SCLT1: variants seen among roughly 807,000 people sequenced by gnomAD.
SCLT1 encodes the protein sodium channel-associated protein 1.
SCLT1 carries 78 observed loss-of-function variants against 112.8 expected under a neutral mutation model. That is an observed-to-expected ratio of 0.69 (90% CI 0.58 to 0.83). The LOEUF is 0.83. SCLT1 is among the 40% of genes least tolerant of loss of function. The pLI, the probability that SCLT1 is intolerant of heterozygous loss-of-function variation, is 0.00. For synonymous variants in SCLT1, 257 were observed against 254.7 expected (o/e 1.01, Z -0.09); for missense variants, 747 against 770.4 (o/e 0.97, Z 0.36).
chr4:129,030,224 C>G (rs1168861126), intron 5 of SCLT1, among the ~76,000 whole-genome samples: 1 of 152,030 alleles, frequency 6.6e-6, no homozygotes, highest in African/African-American at 2.4e-5. Context: ...GCGTAAATAA[C>G]AAAACTGAGA....
intron 14 of SCLT1, among the ~76,000 whole-genome samples, chr4:128,951,567 T>C (rs1012941480): frequency 1.3e-5 from 2 of 152,176 alleles, no homozygotes; most frequent in African/African-American, 4.8e-5. Context: ...TGAATATTCA[T>C]GCCCTTGCAG....
At position 129,093,146 on chromosome 4, in the gene SCLT1, C is replaced by G; in HGVS notation, c.-43G>C. On this transcript the variant is annotated 5_prime_UTR_variant, in exon 1 of 21. Transcript: ENST00000281142. ...TTAGAGCTTTCACCACCTTTACCTT[C>G]CTCTGAAAGACAGAGAGCTTGCTGT... The G allele has an allele frequency of 6.3e-7, 1 of 1,594,424 alleles. No homozygotes were observed. The highest frequency in any genetic ancestry group is 8.6e-7 in the Non-Finnish European group (1 of 1,162,278).
chr4:128,900,055 A>G, intron 18 of SCLT1, among the ~76,000 whole-genome samples: 1 of 152,210 alleles, frequency 6.6e-6, no homozygotes. Context: ...AACATTCCAC[A>G]CGCATGGGTA....
In SCLT1 at chr4:128,947,355, C is replaced by T. The variant is rs116195520; in HGVS notation, c.1293+1141G>A. Among the ~76,000 whole-genome samples, 875 of 152,250 alleles carry T rather than the reference C, an allele frequency of 5.7e-3. 7 individuals are homozygous for T. The highest frequency in any genetic ancestry group is 0.034 in the Middle Eastern group (10 of 294). Reference sequence around the variant, plus strand: ...CGCAGATGGAAACTCAGAAGGGACCCACCTTGCAGGAGAGTGGTAACCAAA... The same window carrying T: ...CGCAGATGGAAACTCAGAAGGGACCTACCTTGCAGGAGAGTGGTAACCAAA... On this transcript the variant is annotated intron_variant, in intron 15 of 20. Coordinates refer to ENST00000281142, the MANE Select transcript of SCLT1 (RefSeq NM_144643.4).
intron 9 of SCLT1, among the ~76,000 whole-genome samples, chr4:128,990,567 AAC>A (rs1022965442): frequency 3.3e-5 from 5 of 151,974 alleles, no homozygotes; most frequent in African/African-American, 1.2e-4. Context: ...ACTGTTATTC[AAC>A]ACAGTATGAG....
chr4:129,086,195 A>C (rs1389598726), intron 1 of SCLT1, among the ~76,000 whole-genome samples: 1 of 152,092 alleles, frequency 6.6e-6, no homozygotes, highest in Non-Finnish European at 1.5e-5. Flanking sequence ...TAGATTGACT[A>C]TAATCTGGAG....
chr4:129,036,636 T>G (rs1268552412), intron 5 of SCLT1: 1 of 151,870 alleles, frequency 6.6e-6, no homozygotes, highest in Non-Finnish European at 1.5e-5. Flanking sequence ...CAGTAAACAC[T>G]GACAGCTTAA....
chr4:128,880,722 A>C (rs1057014246), downstream of SCLT1, among the ~76,000 whole-genome samples: 1 of 152,246 alleles, frequency 6.6e-6, no homozygotes, highest in African/African-American at 2.4e-5. Context: ...ATAGTAATTC[A>C]CATTTTTTCC....
At chr4:129,059,986 TA>T (rs1251422626) in intron 2 of SCLT1, among the ~76,000 whole-genome samples, 15 of 152,276 alleles carry the variant, frequency 9.9e-5, no homozygotes, top group Admixed American at 3.9e-4. Flanking sequence ...ATAATATGAA[TA>T]TTTTTTTGCC....
At chr4:128,927,067 A>G (rs976502945) in intron 18 of SCLT1, among the ~76,000 whole-genome samples, 2 of 152,148 alleles carry the variant, frequency 1.3e-5, no homozygotes, top group Admixed American at 1.3e-4. Context: ...GAAAGTACTA[A>G]ATAATACAAT....
chr4:129,082,467 A>G (rs1006514988), intron 1 of SCLT1, 94 bp from the exon 2 acceptor site: 3 of 627,126 alleles, frequency 4.8e-6, no homozygotes. Flanking sequence ...ATCCCATGCA[A>G]AACGGCTAGT....
chr4:129,052,575 TC>T (rs1471647715), intron 2 of SCLT1, among the ~76,000 whole-genome samples: 1 of 152,106 alleles, frequency 6.6e-6, no homozygotes, highest in Admixed American at 6.6e-5. Context: ...GGTGGTGATA[TC>T]CCCTTTATCA....
At chr4:128,932,816 G>T (rs1416428867) in intron 18 of SCLT1, among the ~76,000 whole-genome samples, 1 of 151,858 alleles carries the variant, frequency 6.6e-6, no homozygotes, top group African/African-American at 2.4e-5. Context: ...CAATCTATCT[G>T]AAAAAGAAAT....
intron 1 of SCLT1, 54 bp downstream of exon 1, chr4:129,093,016 A>G: frequency 1.5e-6 from 2 of 1,295,266 alleles, no homozygotes; most frequent in Non-Finnish European, 2.2e-6. Context: ...TTGTCGGTCA[A>G]CGACGACGAT....
At chr4:129,089,977 C>G (rs551892967) in intron 1 of SCLT1, among the ~76,000 whole-genome samples, 7 of 151,956 alleles carry the variant, frequency 4.6e-5, no homozygotes, top group Admixed American at 6.6e-5. Flanking sequence ...CAAAACTGCA[C>G]GTTCTGCACA....
At chr4:128,906,438 TC>T (rs1235082804) in intron 18 of SCLT1, among the ~76,000 whole-genome samples, 9 of 152,286 alleles carry the variant, frequency 5.9e-5, no homozygotes, top group African/African-American at 2.2e-4. Flanking sequence ...GACCTCGTGA[TC>T]CGCCCGCTTC....
intron 17 of SCLT1, 102 bp downstream of exon 17, chr4:128,942,894 C>CA (rs139579638): frequency 1.3e-3 from 960 of 746,884 alleles, no homozygotes; most frequent in Middle Eastern, 2.4e-3. Context: ...GATGAGAAGG[C>CA]AAAAAAAAAG....
chr4:128,950,701 G>A (rs1214739229), intron 14 of SCLT1, among the ~76,000 whole-genome samples: 1 of 151,902 alleles, frequency 6.6e-6, no homozygotes, highest in African/African-American at 2.4e-5. Flanking sequence ...ATAAAAGACA[G>A]TGTAAATCCT....
intron 2 of SCLT1, among the ~76,000 whole-genome samples, chr4:129,061,228 G>A (rs145187899): frequency 0.011 from 1,616 of 152,204 alleles, 17 homozygotes; most frequent in Non-Finnish European, 0.017. Context: ...GCAGATGCGC[G>A]GCAGCAAGTT....
Sources: gnomAD v4.1 joint callset for allele counts (sites outside exome capture counted in the v4.1 genomes callset) on GRCh38, gnomAD v4.1.1 for gene constraint, MANE v1.5 for transcripts, NCBI Gene and HGNC (gene_info 2026-07-23, HGNC 2026-07-21) for gene names.